Variants in KNDC1 observed in about 807,000 individuals in gnomAD.
The protein encoded by KNDC1 is kinase non-catalytic C-lobe domain containing 1.
KNDC1 carries 106 observed loss-of-function variants against 172.8 expected under a neutral mutation model. The ratio of observed to expected loss-of-function variants is 0.61; its 90% CI spans 0.52 to 0.72. KNDC1 has a LOEUF of 0.72. Ranked by LOEUF, KNDC1 falls within the 30% of genes least tolerant of loss-of-function variation. The pLI is 0.00. For missense variants in KNDC1, 2,325 were observed against 2,394.5 expected, an observed-to-expected ratio of 0.97 and a Z score of 0.61; for synonymous variants, 1,083 against 1,062.2, an observed-to-expected ratio of 1.02 and a Z score of -0.38.
At chr10:133,174,546 G>C (rs1283986421) in intron 3 of KNDC1, among the ~76,000 whole-genome samples, 1 of 152,224 alleles carries the variant, frequency 6.6e-6, no homozygotes, top group East Asian at 1.9e-4. Context: ...TAAATGGATT[G>C]ATGGTTGGAG....
At chr10:133,199,684 G>A in intron 15 of KNDC1, 82 bp downstream of exon 15, 1 of 1,499,478 alleles carries the variant, frequency 6.7e-7, no homozygotes, top group Non-Finnish European at 9.1e-7. Flanking sequence ...CCCGGGCCCA[G>A]CCTTCCCCTC....
Position 133,189,620 on chromosome 10 carries a change from G to A in KNDC1, c.1464G>A (p.Val488=), listed in dbSNP as rs747008033. 1.9e-6 allele frequency: 3 copies of A among 1,613,728 alleles called. No individual in the cohort carries two copies. The South Asian group carries it at 3.3e-5, about 18-fold the overall frequency. Residue 488 remains valine, a synonymous_variant, in exon 8 of 30, where the codon GTG becomes GTA. Coordinates refer to ENST00000304613, the MANE Select transcript of KNDC1 (RefSeq NM_152643.8). ...EHPAYLCLDS[V]LVAEDGAVLF... The stretch of plus-strand genomic sequence containing the variant: ...CAGCCTACCTGTGTCTGGACTCCGT[G>A]CTGGTTGCTGAGGACGGGGCTGTGC...
intron 26 of KNDC1, among the ~76,000 whole-genome samples, chr10:133,218,425 T>G (rs1214622702): frequency 6.6e-6 from 1 of 152,016 alleles, no homozygotes; most frequent in African/African-American, 2.4e-5. Flanking sequence ...GCGCAGCGGG[T>G]TGGGGGGTGG....
chr10:133,215,967 T>C (rs946540073), intron 26 of KNDC1, among the ~76,000 whole-genome samples: 3 of 152,198 alleles, frequency 2.0e-5, no homozygotes, highest in Non-Finnish European at 2.9e-5. Context: ...CGGACGGACC[T>C]CGCCGGAGAC....
chr10:133,210,693 C>T lies in KNDC1; in HGVS notation c.3877C>T (p.Leu1293Phe). 1 of 1,614,014 alleles carries T rather than the reference C, an allele frequency of 6.2e-7. No homozygotes were observed. Among genetic ancestry groups the T allele is most frequent in the Non-Finnish European group, 8.5e-7 (1 of 1,179,848 alleles). The change falls in exon 21 of 30, where the codon CTC (leucine) becomes TTC (phenylalanine). Residue 1293 changes from leucine to phenylalanine, a missense_variant. Physicochemically the swap from Leu to Phe is conservative, Grantham distance 22. Coordinates refer to ENST00000304613, the MANE Select transcript of KNDC1 (RefSeq NM_152643.8). The stretch of plus-strand genomic sequence containing the variant: ...CACACCCCACGACTTCCTGCACTTC[C>T]TCCTCGACCGCATCAACAGCACGCT... ...FCTPHDFLHF[L>F]LDRINSTLTR...
chr10:133,189,728 A>G, intron 8 of KNDC1, 24 bp from the exon 9 acceptor site: 5 of 1,613,968 alleles, frequency 3.1e-6, no homozygotes, highest in Non-Finnish European at 4.2e-6. Flanking sequence ...GGGTGAGGAA[A>G]GCTCAGTCGG....
chr10:133,207,440 G>A (rs1044558032), intron 20 of KNDC1, 89 bp downstream of exon 20: 1 of 1,231,822 alleles, frequency 8.1e-7, no homozygotes, highest in Non-Finnish European at 1.2e-6. Flanking sequence ...CAGTCAGCTA[G>A]GCTGGGTTTG....
At chr10:133,207,414 G>A (rs1845235510) in intron 20 of KNDC1, 63 bp downstream of exon 20, 2 of 1,465,836 alleles carry the variant, frequency 1.4e-6, no homozygotes, top group Non-Finnish European at 1.9e-6. Flanking sequence ...AGAAGAGGGG[G>A]GGAACGTGCC....
chr10:133,173,252 C>T (rs1051653266), intron 3 of KNDC1, among the ~76,000 whole-genome samples: 4 of 152,158 alleles, frequency 2.6e-5, no homozygotes, highest in Non-Finnish European at 4.4e-5. Flanking sequence ...GCTCTCCTGG[C>T]CTGTCTGTGT....
At chr10:133,168,403 G>T in intron 3 of KNDC1, 91 bp downstream of exon 3, 1 of 1,336,038 alleles carries the variant, frequency 7.5e-7, no homozygotes, top group South Asian at 1.2e-5. Context: ...GCCTTGGGGC[G>T]ACCTCTGCAA....
intron 23 of KNDC1, among the ~76,000 whole-genome samples, chr10:133,212,511 G>A (rs1845389645): frequency 6.6e-6 from 1 of 152,236 alleles, no homozygotes; most frequent in East Asian, 1.9e-4. Context: ...TGCCCGTGGG[G>A]CACCTGCTGA....
chr10:133,218,880 A>G lies in KNDC1; in HGVS notation c.4727A>G (p.Tyr1576Cys). The G allele has an allele frequency of 3.1e-6, 5 of 1,613,880 alleles. No individual in the cohort carries two copies. Among genetic ancestry groups the G allele is most frequent in the Non-Finnish European group, 4.2e-6 (5 of 1,179,858 alleles). Residue 1576 changes from tyrosine (Y) to cysteine (C), a missense_variant, in exon 27 of 30, where the codon TAT becomes TGT. Coordinates refer to ENST00000304613, the MANE Select transcript of KNDC1 (RefSeq NM_152643.8). ...TTTTTGCTGATTGCAAAATCTTGCT[A>G]TGAGCAGAGAAACTTCGCGACAGCC... ...SKFLLIAKSC[Y>C]EQRNFATAMQ...
intron 3 of KNDC1, among the ~76,000 whole-genome samples, chr10:133,181,834 C>CACA (rs1564881077): frequency 3.6e-4 from 50 of 138,888 alleles, no homozygotes; most frequent in East Asian, 3.3e-3. Context: ...CCAGGACCGT[C>CACA]CACACACACA....
At chr10:133,210,364 C>CAAA (rs57759593) in intron 20 of KNDC1, among the ~76,000 whole-genome samples, 7 of 74,468 alleles carry the variant, frequency 9.4e-5, no homozygotes, top group Non-Finnish European at 1.4e-4. Context: ...GAAACTCTGC[C>CAAA]AAAAAAAAAA....
chr10:133,164,737 G>T, intron 1 of KNDC1, among the ~76,000 whole-genome samples: 1 of 146,692 alleles, frequency 6.8e-6, no homozygotes, highest in African/African-American at 2.4e-5. Context: ...GGTGACTACA[G>T]GACGCCCACA....
rs1845364411 is a variant in KNDC1 at position 133,211,578 on chromosome 10, G to C, written c.4056+9G>C. On this transcript the variant is annotated intron_variant, in intron 22 of 29. Coordinates refer to ENST00000304613, the MANE Select transcript of KNDC1 (RefSeq NM_152643.8). The stretch of plus-strand genomic sequence containing the variant: ...ACTTCATCTCCTCCAAGGTGACAGT[G>C]GCGCTGAGCTGGGCGGCCGCACCCG... The C allele has an allele frequency of 6.2e-7, 1 of 1,611,062 alleles. No homozygotes were observed. The highest frequency in any genetic ancestry group is 1.1e-5 in the South Asian group (1 of 90,966).
At chr10:133,222,242 C>T (rs1468608738) in intron 29 of KNDC1, among the ~76,000 whole-genome samples, 7 of 147,062 alleles carry the variant, frequency 4.8e-5, no homozygotes, top group African/African-American at 1.7e-4. Flanking sequence ...GAGATCGCGC[C>T]ACCGCACTCC....
chr10:133,225,000 C>G lies in KNDC1; in HGVS notation c.*110C>G. The G allele has an allele frequency of 1.2e-6, 1 of 864,398 alleles. No homozygotes were observed. Among genetic ancestry groups the G allele is most frequent in the East Asian group, 2.7e-5 (1 of 37,664 alleles). The allele number at this position is 864,398 out of a possible 1,614,324, so 53.5% of individuals were successfully genotyped here. A position where few individuals can be genotyped will look rare whatever the true frequency, so the allele number is the denominator to read the frequency against. On this transcript the variant is annotated 3_prime_UTR_variant, in exon 30 of 30. Coordinates refer to ENST00000304613, the MANE Select transcript of KNDC1 (RefSeq NM_152643.8). This position sits in a 1 kb window ranked among gnomAD's most constrained non-coding sequence, Gnocchi z 5.4. ...GGCCGTTATCAAGGCCCCTCCGCCCCCGAACCCTGGGGAGCTGGACCAGGA... is the reference window on the plus strand; with the variant it reads ...GGCCGTTATCAAGGCCCCTCCGCCCGCGAACCCTGGGGAGCTGGACCAGGA...
intron 6 of KNDC1, 112 bp downstream of exon 6, chr10:133,186,786 C>G: frequency 2.7e-6 from 2 of 739,354 alleles, no homozygotes; most frequent in South Asian, 3.9e-5. Flanking sequence ...TAACCTTCAC[C>G]CTCGCTCCAT....
Sources: allele counts gnomAD v4.1 joint callset (sites outside exome capture counted in the v4.1 genomes callset), GRCh38; gene constraint gnomAD v4.1.1; non-coding constraint Gnocchi (gnomAD v3.1); transcripts MANE v1.5; gene names NCBI Gene and HGNC (gene_info 2026-07-23, HGNC 2026-07-21).